Variants in LIN7A observed in about 807,000 individuals in gnomAD.
The protein encoded by LIN7A is lin-7 cell polarity scaffold A.
LIN7A carries 25 observed loss-of-function variants against 29.8 expected under a neutral mutation model. The ratio of observed to expected loss-of-function variants is 0.84; its 90% CI spans 0.61 to 1.17. The LOEUF (loss-of-function observed/expected upper bound fraction) is 1.17, where lower values mean the gene tolerates loss of function less well. Among genes scored for constraint, LIN7A ranks in the 50% most tolerant of loss-of-function variants. LIN7A has a pLI of 0.00. For synonymous variants in LIN7A, 118 were observed against 107.5 expected (o/e 1.10, Z -0.60); for missense variants, 239 against 287.0 (o/e 0.83, Z 1.21).
chr12:80,822,859 G>A (rs1442655945), intron 4 of LIN7A, among the ~76,000 whole-genome samples: 1 of 152,126 alleles, frequency 6.6e-6, no homozygotes, highest in Admixed American at 6.5e-5. Flanking sequence ...TGGATTGCTG[G>A]TGAAGCCCCA....
intron 4 of LIN7A, chr12:80,842,098 G>A: frequency 7.8e-7 from 1 of 1,287,460 alleles, no homozygotes; most frequent in Non-Finnish European, 1.0e-6. Flanking sequence ...GAGCTGACAT[G>A]AGTTTCCATC....
chr12:80,894,193 A>C (rs1875767213), intron 1 of LIN7A, among the ~76,000 whole-genome samples: 2 of 152,186 alleles, frequency 1.3e-5, no homozygotes, highest in South Asian at 4.1e-4. Context: ...TCTTGTTCAG[A>C]ACCTCCTGAT....
intron 1 of LIN7A, among the ~76,000 whole-genome samples, chr12:80,915,152 C>CAAAAAA (rs3073421): frequency 1.9e-5 from 2 of 104,998 alleles, no homozygotes; most frequent in African/African-American, 5.8e-5. Context: ...AATCAACAAG[C>CAAAAAA]AAAAAAAAAA....
At chr12:80,918,480 C>CTCAG (rs1049456998) in intron 1 of LIN7A, among the ~76,000 whole-genome samples, 51 of 152,236 alleles carry the variant, frequency 3.4e-4, no homozygotes, top group South Asian at 1.0e-3. Flanking sequence ...CTGTATTGAC[C>CTCAG]TCAGGCATAG....
chr12:80,929,151 T>C (rs981035935), intron 1 of LIN7A, among the ~76,000 whole-genome samples: 23 of 152,186 alleles, frequency 1.5e-4, no homozygotes, highest in African/African-American at 5.5e-4. Flanking sequence ...AAAACCTCAA[T>C]TACTTTTGCA....
intron 1 of LIN7A, among the ~76,000 whole-genome samples, chr12:80,926,985 G>A (rs1459641604): frequency 1.4e-5 from 2 of 148,138 alleles, no homozygotes; most frequent in Non-Finnish European, 3.0e-5. Flanking sequence ...CCTAGTGTTT[G>A]TCAAGTTAAG....
chr12:80,831,430 G>A (rs1002388036), intron 4 of LIN7A, among the ~76,000 whole-genome samples: 1 of 152,138 alleles, frequency 6.6e-6, no homozygotes, highest in Non-Finnish European at 1.5e-5. Context: ...AATTGATAAT[G>A]CATCAGGGGA....
At chr12:80,879,387 T>G (rs1874900523) in intron 2 of LIN7A, among the ~76,000 whole-genome samples, 1 of 152,180 alleles carries the variant, frequency 6.6e-6, no homozygotes, top group African/African-American at 2.4e-5. Context: ...TTTATTTGTT[T>G]GCATTTGTCA....
intron 1 of LIN7A, among the ~76,000 whole-genome samples, chr12:80,929,679 T>G (rs1349330184): frequency 6.6e-6 from 1 of 152,166 alleles, no homozygotes; most frequent in Non-Finnish European, 1.5e-5. Flanking sequence ...GATCACCACT[T>G]TCTTTTCTAA....
intron 2 of LIN7A, among the ~76,000 whole-genome samples, chr12:80,850,643 G>A (rs1180242826): frequency 2.0e-5 from 3 of 152,114 alleles, no homozygotes; most frequent in Non-Finnish European, 4.4e-5. Context: ...TTCCTACAAT[G>A]CACAGTGAAG....
intron 1 of LIN7A, among the ~76,000 whole-genome samples, chr12:80,894,597 A>C (rs1875790030): frequency 2.0e-5 from 3 of 152,176 alleles, no homozygotes; most frequent in Admixed American, 2.0e-4. Flanking sequence ...AAACCACAGA[A>C]AGCAAAACTA....
rs1870286394 is a variant in LIN7A at position 80,793,199 on chromosome 12, T to C, written c.*4528A>G. 6.6e-6 allele frequency: 1 copy of C among 152,180 alleles called. No individual in the cohort carries two copies. Among genetic ancestry groups the C allele is most frequent in the Non-Finnish European group, 1.5e-5 (1 of 68,026 alleles). The allele number at this position is 152,180 out of a possible 1,614,324, so 9.4% of individuals were successfully genotyped here. On this transcript the variant is annotated 3_prime_UTR_variant, in exon 6 of 6. Coordinates refer to ENST00000552864, the MANE Select transcript of LIN7A (RefSeq NM_004664.4). ...ATATATCTGTGCTTCAGTTTTTGTA[T>C]CTATAAAATGGAACCTACTGAATAG...
intron 1 of LIN7A, among the ~76,000 whole-genome samples, chr12:80,936,164 T>C (rs1878207228): frequency 6.6e-6 from 1 of 152,240 alleles, no homozygotes; most frequent in Non-Finnish European, 1.5e-5. Flanking sequence ...TTAGTGCAGA[T>C]GATGATATTG....
chr12:80,840,473 GT>G (rs1420613703), intron 4 of LIN7A, among the ~76,000 whole-genome samples: 1 of 152,166 alleles, frequency 6.6e-6, no homozygotes, highest in Non-Finnish European at 1.5e-5. Flanking sequence ...GGTTGTGTGT[GT>G]GACAGAGGGA....
chr12:80,937,851 T>G lies in LIN7A; in HGVS notation c.-129A>C. ...GGTGGAGAAGAAAGCTTGGGTGGGT[T>G]GGTAGCCAGATGGAGACGCAACTGT... On this transcript the variant is annotated 5_prime_UTR_variant, in exon 1 of 6. Coordinates refer to ENST00000552864, the MANE Select transcript of LIN7A (RefSeq NM_004664.4). 98 of 625,722 alleles carry G rather than the reference T, an allele frequency of 1.6e-4. No homozygotes were observed. Among genetic ancestry groups the G allele is most frequent in the East Asian group, 4.1e-4 (11 of 26,638 alleles). The allele number at this position is 625,722 out of a possible 1,614,324, so 38.8% of individuals were successfully genotyped here.
intron 1 of LIN7A, among the ~76,000 whole-genome samples, chr12:80,913,744 ATACT>A (rs1876888331): frequency 1.3e-5 from 2 of 152,152 alleles, no homozygotes; most frequent in South Asian, 4.1e-4. Context: ...CGAATAAAAC[ATACT>A]TACTTTCAAC....
At position 80,924,145 on chromosome 12, in the gene LIN7A, C is replaced by T. The variant is rs558230032; in HGVS notation, c.82+13496G>A. ...TCCCTAGCCCTGCCTTGGTACTGGGCACTCATTAGGCTATCATTTACTTTA... is the reference window on the plus strand; with the variant it reads ...TCCCTAGCCCTGCCTTGGTACTGGGTACTCATTAGGCTATCATTTACTTTA... On this transcript the variant is annotated intron_variant, in intron 1 of 5. Coordinates refer to ENST00000552864, the MANE Select transcript of LIN7A (RefSeq NM_004664.4). Among the ~76,000 whole-genome samples, 10 of 152,304 alleles carry T rather than the reference C, an allele frequency of 6.6e-5. No homozygotes were observed. In the East Asian group the frequency reaches 1.9e-3, roughly 29 times the overall value.
At position 80,822,888 on chromosome 12, in the gene LIN7A, C is replaced by A. The variant is rs948999957; in HGVS notation, c.484-11205G>T. Among the ~76,000 whole-genome samples, 3 of 151,994 alleles carry A rather than the reference C, an allele frequency of 2.0e-5. No homozygotes were observed. The East Asian group carries it at 5.9e-4, about 30-fold the overall frequency. On this transcript the variant is annotated intron_variant, in intron 4 of 5. Coordinates refer to ENST00000552864, the MANE Select transcript of LIN7A (RefSeq NM_004664.4). Reference sequence around the variant, plus strand: ...AGCCCCACCTTCAAGCCAGGGACAGCCTGAAGCCCAGGGGCTGGGCTGCCT... The same window carrying A: ...AGCCCCACCTTCAAGCCAGGGACAGACTGAAGCCCAGGGGCTGGGCTGCCT...
intron 1 of LIN7A, among the ~76,000 whole-genome samples, chr12:80,894,985 T>G (rs1875811830): frequency 6.6e-6 from 1 of 152,220 alleles, no homozygotes; most frequent in African/African-American, 2.4e-5. Flanking sequence ...TTGACTCCAG[T>G]GCCTGTGCTC....
Sources: allele counts gnomAD v4.1 joint callset (sites outside exome capture counted in the v4.1 genomes callset), GRCh38; gene constraint gnomAD v4.1.1; transcripts MANE v1.5; gene names NCBI Gene and HGNC (gene_info 2026-07-23, HGNC 2026-07-21).